TJP2: variants seen among roughly 807,000 people sequenced by gnomAD.
TJP2 encodes tight junction protein 2, also known as Friedreich ataxia region gene X104 (tight junction protein ZO-2).
Under a neutral mutation model 133.1 loss-of-function variants are expected in TJP2, and 91 were observed. That is an observed-to-expected ratio of 0.68 (90% CI 0.58 to 0.81). The LOEUF (loss-of-function observed/expected upper bound fraction) is 0.81. Among genes scored for constraint, TJP2 ranks in the 40% least tolerant of loss-of-function variants. TJP2 has a pLI of 0.00. For missense variants in TJP2, 1,541 were observed against 1,565.6 expected, an observed-to-expected ratio of 0.98 and a Z score of 0.26; for synonymous variants, 592 against 583.4, an observed-to-expected ratio of 1.01 and a Z score of -0.21.
At position 69,250,979 on chromosome 9, in the gene TJP2, A is replaced by C; in HGVS notation, c.2992-56A>C. On this transcript the variant is annotated intron_variant, in intron 20 of 22. Transcript: ENST00000377245. Reference sequence around the variant, plus strand: ...ATGGAGTGTATTAAATCACTAATATAGATTTGAAAATAAACTTAAAAGCCC... The same window carrying C: ...ATGGAGTGTATTAAATCACTAATATCGATTTGAAAATAAACTTAAAAGCCC... 2.7e-6 allele frequency: 4 copies of C among 1,498,850 alleles called. No individual in the cohort carries two copies. The Middle Eastern group carries it at 5.1e-4, about 193-fold the overall frequency. The allele number at this position is 1,498,850 out of a possible 1,614,324, so 92.8% of individuals were successfully genotyped here. A position where few individuals can be genotyped will look rare whatever the true frequency, so the allele number is the denominator to read the frequency against.
intron 1 of TJP2, among the ~76,000 whole-genome samples, chr9:69,199,761 G>A (rs1252697407): frequency 6.6e-6 from 1 of 151,954 alleles, no homozygotes; most frequent in African/African-American, 2.4e-5. Context: ...CCAGTAACAT[G>A]TATTAAGGAC....
chr9:69,189,593 G>T (rs1397332998), intron 1 of TJP2, among the ~76,000 whole-genome samples: 2 of 149,006 alleles, frequency 1.3e-5, no homozygotes, highest in East Asian at 4.0e-4. Flanking sequence ...AATAGGAATA[G>T]CCACTGCAGT....
intron 1 of TJP2, among the ~76,000 whole-genome samples, chr9:69,174,829 TGAGA>T (rs1824947612): frequency 1.3e-5 from 2 of 152,176 alleles, no homozygotes; most frequent in Admixed American, 1.3e-4. Flanking sequence ...CTTGTGTACG[TGAGA>T]GAAACTGAAA....
At chr9:69,156,938 A>G (rs931108534) in intron 2 of TJP2, among the ~76,000 whole-genome samples, 1 of 152,204 alleles carries the variant, frequency 6.6e-6, no homozygotes, top group African/African-American at 2.4e-5. Flanking sequence ...CTGCCAGGTC[A>G]TAAGTACTGC....
intron 1 of TJP2, among the ~76,000 whole-genome samples, chr9:69,129,555 A>G (rs889865217): frequency 6.6e-6 from 1 of 152,188 alleles, no homozygotes; most frequent in Admixed American, 6.5e-5. Context: ...TAAAATATAC[A>G]ATAATATAGT....
intron 1 of TJP2, among the ~76,000 whole-genome samples, chr9:69,179,788 C>T (rs374936589): frequency 2.0e-5 from 3 of 152,240 alleles, no homozygotes; most frequent in African/African-American, 4.8e-5. Context: ...TGTGAGCCAC[C>T]GCGCCCGGCT....
In TJP2 at chr9:69,253,895, G is replaced by A. The variant is rs185273044; in HGVS notation, c.3408-314G>A. 9.1e-5 allele frequency: 38 copies of A among 415,572 alleles called. No individual in the cohort carries two copies. The East Asian group carries it at 1.6e-3, about 17-fold the overall frequency. 25.7% of individuals were successfully genotyped at this position (415,572 alleles called of 1,614,324 possible). A position where few individuals can be genotyped will look rare whatever the true frequency, so the allele number is the denominator to read the frequency against. On this transcript the variant is annotated intron_variant, in intron 22 of 22. Transcript: ENST00000377245. ...TCTTGGTTATGATGGACTGAAACTG[G>A]CAGAGACCTCGCTGCTGGGTGAGAC...
chr9:69,221,576 G>GA (rs1828864925), intron 5 of TJP2, 80 bp downstream of exon 5: 1 of 1,521,024 alleles, frequency 6.6e-7, no homozygotes, highest in African/African-American at 1.4e-5. Context: ...TTTTTCCCCC[G>GA]AAAGTGTTGC....
intron 1 of TJP2, among the ~76,000 whole-genome samples, chr9:69,125,089 T>A (rs1822269139): frequency 2.8e-5 from 2 of 71,772 alleles, no homozygotes; most frequent in Non-Finnish European, 6.3e-5. Flanking sequence ...AGTAGCTGGG[T>A]TTACAGGCAT....
intron 2 of TJP2, among the ~76,000 whole-genome samples, chr9:69,165,366 G>A (rs1183068706): frequency 1.3e-5 from 2 of 152,040 alleles, no homozygotes; most frequent in African/African-American, 4.8e-5. Flanking sequence ...TTGAACTCCT[G>A]GGCTCATGTG....
rs753810144 is a variant in TJP2, at chr9:69,230,119, A to G, written c.1558A>G (p.Ser520Gly). ...TKMVRFKKGD[S>G]VGLRLAGGND... is the part of the protein sequence containing the mutation. Reference sequence around the variant, plus strand: ...AATGGTAAGGTTCAAGAAGGGAGACAGCGTGGGCCTCCGGTTGGCTGGTGG... The same window carrying G: ...AATGGTAAGGTTCAAGAAGGGAGACGGCGTGGGCCTCCGGTTGGCTGGTGG... Residue 520 changes from serine (S) to glycine (G), a missense_variant, in exon 11 of 23, where the codon AGC becomes GGC. By Grantham distance (56) the Ser-to-Gly change is moderately conservative. Coordinates refer to ENST00000377245, the MANE Select transcript of TJP2 (RefSeq NM_004817.4). The G allele has an allele frequency of 6.2e-7, 1 of 1,614,224 alleles. No individual in the cohort carries two copies. Among genetic ancestry groups the G allele is most frequent in the South Asian group, 1.1e-5 (1 of 91,088 alleles).
chr9:69,183,550 G>A (rs1382244587), intron 1 of TJP2, among the ~76,000 whole-genome samples: 1 of 152,050 alleles, frequency 6.6e-6, no homozygotes, highest in Non-Finnish European at 1.5e-5. Flanking sequence ...CCATTTATAT[G>A]CATCTGTCAC....
rs1339462786 is a variant in TJP2 at position 69,221,194 on chromosome 9, G to A, written c.650G>A (p.Arg217His). ...QDHARTRDRSRGRSLERGLDH... is the reference protein window; with the variant it reads ...QDHARTRDRSHGRSLERGLDH... ...CATGCGCGCACCCGAGACCGCAGCC[G>A]TGGCCGGAGCCTGGAGCGGGGCCTG... Residue 217 changes from arginine (R) to histidine (H), a missense_variant, in exon 5 of 23, where the codon CGT becomes CAT. Physicochemically the swap from Arg to His is conservative, Grantham distance 29. Transcript: ENST00000377245. 5.0e-6 allele frequency: 8 copies of A among 1,601,880 alleles called. No homozygotes were observed. The East Asian group carries it at 6.8e-5, about 14-fold the overall frequency.
intron 1 of TJP2, among the ~76,000 whole-genome samples, chr9:69,196,270 T>G (rs72709062): frequency 0.1 from 15,724 of 152,272 alleles, 905 homozygotes; most frequent in South Asian, 0.17. Context: ...GAATCTGTCC[T>G]CTGCCACTTT....
chr9:69,148,018 G>A (rs1305602804), intron 1 of TJP2, among the ~76,000 whole-genome samples: 1 of 151,528 alleles, frequency 6.6e-6, no homozygotes, highest in African/African-American at 2.4e-5. Context: ...TCCGCCTCCC[G>A]GGTTCCAGAG....
intron 1 of TJP2, among the ~76,000 whole-genome samples, chr9:69,184,874 C>T (rs1021816751): frequency 3.4e-4 from 51 of 151,208 alleles, no homozygotes; most frequent in African/African-American, 1.1e-3. Flanking sequence ...CCTCAGCCTC[C>T]GATTAGCTGT....
At position 69,174,359 on chromosome 9, in the gene TJP2, GA is replaced by G. The variant is rs1479480627; in HGVS notation, c.-13del. ...GGTCCGGAGCTGCGCGCCTACGCGG[GA>G]CCTGTGTCCGAAATGCCGGTGCGAG... On this transcript the variant is annotated 5_prime_UTR_variant, in exon 1 of 23. Transcript: ENST00000377245. The G allele has an allele frequency of 6.4e-7, 1 of 1,551,618 alleles. No homozygotes were observed. The highest frequency in any genetic ancestry group is 1.2e-5 in the South Asian group (1 of 84,090).
At chr9:69,236,304 C>G in intron 13 of TJP2, 66 bp downstream of exon 13, 1 of 1,518,696 alleles carries the variant, frequency 6.6e-7, no homozygotes, top group East Asian at 2.3e-5. Context: ...TAGAGACCGC[C>G]CCCCTTCCCC....
chr9:69,191,165 A>G (rs750534255), intron 1 of TJP2, among the ~76,000 whole-genome samples: 1 of 152,222 alleles, frequency 6.6e-6, no homozygotes, highest in Non-Finnish European at 1.5e-5. Context: ...TCAATGTAGT[A>G]AGGTGACCTG....
Sources: allele counts gnomAD v4.1 joint callset (sites outside exome capture counted in the v4.1 genomes callset), GRCh38; gene constraint gnomAD v4.1.1; transcripts MANE v1.5; gene names NCBI Gene and HGNC (gene_info 2026-07-23, HGNC 2026-07-21).